Variants in ATP10A observed in about 807,000 individuals in gnomAD.
ATP10A encodes the protein phospholipid-transporting ATPase VA.
In ATP10A, 111 loss-of-function variants were observed where a neutral mutation model predicts 147.8. The observed-to-expected ratio is 0.75, with a 90% CI of 0.64 to 0.88. The LOEUF (loss-of-function observed/expected upper bound fraction) is 0.88. Among genes scored for constraint, ATP10A ranks in the 40% least tolerant of loss-of-function variants. The pLI, the probability that ATP10A is intolerant of heterozygous loss-of-function variation, is 0.00. For missense variants in ATP10A, 1,927 were observed against 1,959.0 expected (o/e 0.98, Z 0.31); for synonymous variants, 875 against 841.6 (o/e 1.04, Z -0.69).
chr15:25,762,516 C>T (rs1026308098), intron 2 of ATP10A, among the ~76,000 whole-genome samples: 3 of 151,970 alleles, frequency 2.0e-5, no homozygotes, highest in Admixed American at 6.6e-5. Flanking sequence ...CCTGGGCTCA[C>T]GTGATCCTCC....
chr15:25,836,828 G>A (rs190447258), intron 1 of ATP10A, among the ~76,000 whole-genome samples: 230 of 152,206 alleles, frequency 1.5e-3, no homozygotes, highest in Non-Finnish European at 2.6e-3. Context: ...AAAAGTCTCC[G>A]ATCCAGCAAG....
upstream of ATP10A, among the ~76,000 whole-genome samples, chr15:25,864,484 G>C (rs779377189): frequency 1.3e-5 from 2 of 152,156 alleles, no homozygotes; most frequent in Non-Finnish European, 2.9e-5. Flanking sequence ...ACCCTGGCTT[G>C]GGGAGGCCCT....
chr15:25,831,902 T>G (rs1397559814), intron 1 of ATP10A, among the ~76,000 whole-genome samples: 1 of 152,210 alleles, frequency 6.6e-6, no homozygotes, highest in Non-Finnish European at 1.5e-5. Flanking sequence ...CTGTGTTGAA[T>G]GAATAGTGTC....
intron 2 of ATP10A, among the ~76,000 whole-genome samples, chr15:25,766,358 T>C (rs908433088): frequency 6.6e-6 from 1 of 151,998 alleles, no homozygotes; most frequent in Non-Finnish European, 1.5e-5. Context: ...AGCTAGCAAA[T>C]GTAGGAGGCA....
chr15:25,729,661 C>T (rs1243178115), intron 3 of ATP10A, among the ~76,000 whole-genome samples: 2 of 152,142 alleles, frequency 1.3e-5, no homozygotes, highest in Non-Finnish European at 2.9e-5. Context: ...TGGTTTTCTG[C>T]CCCAGCCACC....
chr15:25,754,967 AT>A (rs1278730166), intron 2 of ATP10A, among the ~76,000 whole-genome samples: 2 of 152,220 alleles, frequency 1.3e-5, no homozygotes, highest in Non-Finnish European at 2.9e-5. Context: ...AAGATTCATT[AT>A]AAAAAGCTAA....
Position 25,718,373 on chromosome 15 carries a change from C to A in ATP10A, c.1390G>T (p.Ala464Ser). Residue 464 changes from alanine (A) to serine (S), a missense_variant, in exon 8 of 21, where the codon GCA becomes TCA. Physicochemically the swap from Ala to Ser is moderately conservative, Grantham distance 99. Coordinates refer to ENST00000555815, the MANE Select transcript of ATP10A (RefSeq NM_024490.4). ...ACCACCTCCTCCTCCTCCGAGTCTG[C>A]CTCTTGGTACCTGGCCAGACGCTGC... is the stretch of plus-strand genomic sequence containing the variant. ...NAQRLARYQE[A>S]DSEEEEVVPR... 1 of 1,605,886 alleles carries A rather than the reference C, an allele frequency of 6.2e-7. No individual in the cohort carries two copies. Among genetic ancestry groups the A allele is most frequent in the Non-Finnish European group, 8.5e-7 (1 of 1,178,294 alleles).
chr15:25,809,335 C>T (rs1448659147), intron 1 of ATP10A, among the ~76,000 whole-genome samples: 4 of 152,140 alleles, frequency 2.6e-5, no homozygotes, highest in South Asian at 2.1e-4. Context: ...AACCTTCAGA[C>T]ACGGCTTACT....
At chr15:25,703,040 C>T (rs909041178) in intron 12 of ATP10A, among the ~76,000 whole-genome samples, 1 of 152,088 alleles carries the variant, frequency 6.6e-6, no homozygotes, top group South Asian at 2.1e-4. Flanking sequence ...GGGGCTCCCT[C>T]GATGGGATCA....
At chr15:25,839,827 T>C (rs1026299336) in intron 1 of ATP10A, among the ~76,000 whole-genome samples, 2 of 152,150 alleles carry the variant, frequency 1.3e-5, no homozygotes, top group African/African-American at 4.8e-5. Flanking sequence ...AAGGCCACCA[T>C]GCCCCAAAAC....
chr15:25,813,908 T>C (rs1241420575), intron 1 of ATP10A, among the ~76,000 whole-genome samples: 2 of 152,114 alleles, frequency 1.3e-5, no homozygotes, highest in African/African-American at 2.4e-5. Context: ...GGACAACTTC[T>C]AGTAGCCTAA....
chr15:25,800,245 A>G (rs8030552), intron 1 of ATP10A, among the ~76,000 whole-genome samples: 134,771 of 152,180 alleles, frequency 0.89, 60,540 homozygotes, highest in Non-Finnish European at 0.96. Flanking sequence ...GGCATTGCTG[A>G]GTTTTCTTTG....
intron 12 of ATP10A, 33 bp from the exon 13 acceptor site, chr15:25,702,133 G>C (rs764365278): frequency 2.5e-6 from 4 of 1,578,860 alleles, no homozygotes; most frequent in Non-Finnish European, 3.4e-6. Flanking sequence ...GAGCGAACCC[G>C]CTTCTCACGT....
chr15:25,863,881 G>T (rs761667298), upstream of ATP10A, among the ~76,000 whole-genome samples: 1 of 152,216 alleles, frequency 6.6e-6, no homozygotes, highest in Non-Finnish European at 1.5e-5. Flanking sequence ...GAACTAGACC[G>T]TTTCCTTTCC....
chr15:25,696,997 G>A (rs552385337), intron 13 of ATP10A, among the ~76,000 whole-genome samples: 91 of 152,274 alleles, frequency 6.0e-4, no homozygotes, highest in African/African-American at 2.1e-3. Context: ...AGAAGGGCAG[G>A]AAATATGGGA....
intron 10 of ATP10A, chr15:25,709,935 G>C (rs1176836596): frequency 6.6e-6 from 1 of 152,278 alleles, no homozygotes; most frequent in Non-Finnish European, 1.5e-5. Flanking sequence ...AGGATGGGAA[G>C]AACTCAAGCT....
chr15:25,771,607 G>T (rs1412580915), intron 2 of ATP10A, among the ~76,000 whole-genome samples: 2 of 152,072 alleles, frequency 1.3e-5, no homozygotes, highest in Non-Finnish European at 2.9e-5. Context: ...CATTGACTTT[G>T]TCTGATGTAA....
intron 2 of ATP10A, among the ~76,000 whole-genome samples, chr15:25,772,736 C>T (rs1482492463): frequency 1.3e-5 from 2 of 152,198 alleles, no homozygotes; most frequent in Admixed American, 6.5e-5. Flanking sequence ...CCTATGAACA[C>T]CCCGGCATGC....
At position 25,718,318 on chromosome 15, in the gene ATP10A, C is replaced by T. The variant is rs775678520; in HGVS notation, c.1445G>A (p.Gly482Asp). Residue 482 changes from glycine to aspartate, a missense_variant, in exon 8 of 21, where the codon GGC (glycine) becomes GAC (aspartate). Coordinates refer to ENST00000555815, the MANE Select transcript of ATP10A (RefSeq NM_024490.4). ...GACACTCTGGTGGCTGCCGATGCTG[C>T]CGCGCTGGGACACCGAGCCCCCTCT... ...VPRGGSVSQRGSIGSHQSVRV... is the reference protein window; with the variant it reads ...VPRGGSVSQRDSIGSHQSVRV... 1.3e-5 allele frequency: 21 copies of T among 1,611,318 alleles called. No homozygotes were observed. In the South Asian group the frequency reaches 2.2e-4, roughly 17 times the overall value.
Sources: allele counts gnomAD v4.1 joint callset (sites outside exome capture counted in the v4.1 genomes callset), GRCh38; gene constraint gnomAD v4.1.1; transcripts MANE v1.5; gene names NCBI Gene and HGNC (gene_info 2026-07-23, HGNC 2026-07-21).